Variants in NBN observed in about 807,000 individuals in gnomAD.
The protein encoded by NBN is Nijmegen breakage syndrome 1 (nibrin).
A neutral mutation model predicts 90.8 loss-of-function variants in NBN; 88 were observed. The observed-to-expected ratio is 0.97, with a 90% CI of 0.82 to 1.16. NBN has a LOEUF of 1.16. Ranked by LOEUF, NBN falls within the 50% of genes most tolerant of loss-of-function variation. The pLI, the probability that NBN is intolerant of heterozygous loss-of-function variation, is 0.00. For synonymous variants in NBN, 328 were observed against 295.1 expected, an observed-to-expected ratio of 1.11 and a Z score of -1.14; for missense variants, 894 against 869.6, an observed-to-expected ratio of 1.03 and a Z score of -0.35.
chr8:89,941,149 T>G (rs1809928994), intron 14 of NBN, among the ~76,000 whole-genome samples: 1 of 152,048 alleles, frequency 6.6e-6, no homozygotes, highest in Admixed American at 6.6e-5. Context: ...CCAGCAAATA[T>G]AAAATATTTA....
At chr8:89,984,140 GC>G in intron 1 of NBN, 1 of 363,968 alleles carries the variant, frequency 2.7e-6, no homozygotes, top group Non-Finnish European at 5.1e-6. Flanking sequence ...GTCATGTGTG[GC>G]CCCCGTGTGG....
chr8:89,954,483 T>C (rs2129710439), intron 10 of NBN, among the ~76,000 whole-genome samples: 1 of 151,860 alleles, frequency 6.6e-6, no homozygotes, highest in South Asian at 2.1e-4. Context: ...AACACTGATT[T>C]CAGGAGCCAG....
At chr8:89,957,282 T>G (rs565820154) in intron 9 of NBN, among the ~76,000 whole-genome samples, 18 of 152,306 alleles carry the variant, frequency 1.2e-4, no homozygotes, top group African/African-American at 4.3e-4. Context: ...TAGGCTAACA[T>G]GTATGTTTAT....
At chr8:89,941,771 C>A (rs1415825245) in intron 14 of NBN, among the ~76,000 whole-genome samples, 3 of 152,076 alleles carry the variant, frequency 2.0e-5, no homozygotes, top group Non-Finnish European at 4.4e-5. Context: ...ACAAAATAAG[C>A]CAATTATTCT....
rs13312868 is a variant in NBN, at chr8:89,979,525, TTTGTTG to T, written c.480+1203_481-1203del. The stretch of plus-strand genomic sequence containing the variant: ...AATAAAAGTTGAACTGAACGCTTTT[TTTGTTG>T]TTGTTGTTGTTGTTGTTTTTAAGTA... On this transcript the variant is annotated intron_variant, in intron 4 of 15. Transcript: ENST00000265433. 5.9e-5 allele frequency among the ~76,000 whole-genome samples: 9 copies of T among 151,544 alleles called. 1 individual carries two copies. Among genetic ancestry groups the T allele is most frequent in the South Asian group, 2.1e-4 (1 of 4,826 alleles).
intron 2 of NBN, 25 bp from the exon 3 acceptor site, chr8:89,981,548 A>G (rs1393741515): frequency 6.2e-7 from 1 of 1,611,016 alleles, no homozygotes; most frequent in Admixed American, 1.7e-5. Flanking sequence ...AATAATTTAA[A>G]GTCTTTTACC....
At chr8:89,948,887 A>G (rs1159933776) in intron 11 of NBN, among the ~76,000 whole-genome samples, 1 of 151,892 alleles carries the variant, frequency 6.6e-6, no homozygotes, top group African/African-American at 2.4e-5. Context: ...ATCCTGCCCT[A>G]CTCTCTCAAA....
intron 10 of NBN, among the ~76,000 whole-genome samples, chr8:89,954,719 G>A (rs1307672691): frequency 6.6e-6 from 1 of 152,012 alleles, no homozygotes; most frequent in Non-Finnish European, 1.5e-5. Flanking sequence ...AGAGCAGTAC[G>A]GGGAAGAAAA....
intron 10 of NBN, among the ~76,000 whole-genome samples, chr8:89,954,133 A>G (rs1260605517): frequency 6.6e-6 from 1 of 152,148 alleles, no homozygotes; most frequent in Non-Finnish European, 1.5e-5. Context: ...TAAATCTACA[A>G]TACGGTACTG....
intron 13 of NBN, among the ~76,000 whole-genome samples, chr8:89,944,051 T>A (rs997298653): frequency 1.4e-4 from 21 of 152,190 alleles, no homozygotes; most frequent in African/African-American, 4.8e-4. Context: ...AGCAGTATTT[T>A]AAAAGTTTAA....
intron 1 of NBN, 55 bp from the exon 2 acceptor site, chr8:89,982,910 C>T: frequency 2.0e-6 from 3 of 1,522,718 alleles, no homozygotes; most frequent in Admixed American, 1.7e-5. Context: ...TACACATGTA[C>T]ACGAACACAC....
At chr8:89,950,279 T>TA (rs1452114710) in intron 11 of NBN, among the ~76,000 whole-genome samples, 4 of 151,948 alleles carry the variant, frequency 2.6e-5, no homozygotes, top group African/African-American at 7.3e-5. Flanking sequence ...AAGTCCCTGA[T>TA]AAAAAAAAGC....
chr8:89,979,738 C>T (rs1000396368), intron 4 of NBN, among the ~76,000 whole-genome samples: 3 of 152,218 alleles, frequency 2.0e-5, no homozygotes, highest in African/African-American at 4.8e-5. Flanking sequence ...CTGTAAACCA[C>T]GTTGGTGTGT....
intron 11 of NBN, among the ~76,000 whole-genome samples, chr8:89,951,568 T>C (rs1241903181): frequency 1.3e-5 from 2 of 152,150 alleles, no homozygotes; most frequent in Non-Finnish European, 2.9e-5. Context: ...TAAAGATAGC[T>C]TTATAAACAT....
In NBN at chr8:89,977,890, T is replaced by C. The variant is rs114391718; in HGVS notation, c.584+330A>G. On this transcript the variant is annotated intron_variant, in intron 5 of 15. Coordinates refer to ENST00000265433, the MANE Select transcript of NBN (RefSeq NM_002485.5). ...CAAAGAGGGCTGCTGCACCACACAATTCCAGAGCTAACTGTGGCGTGATGC... is the reference window on the plus strand; with the variant it reads ...CAAAGAGGGCTGCTGCACCACACAACTCCAGAGCTAACTGTGGCGTGATGC... Among the ~76,000 whole-genome samples, 278 of 152,352 alleles carry C rather than the reference T, an allele frequency of 1.8e-3. 2 individuals carry two copies. Among genetic ancestry groups the C allele is most frequent in the African/African-American group, 6.1e-3 (255 of 41,592 alleles).
chr8:89,958,209 A>C (rs1225614249), intron 9 of NBN, among the ~76,000 whole-genome samples: 6 of 152,294 alleles, frequency 3.9e-5, no homozygotes, highest in Middle Eastern at 3.4e-3. Context: ...ATAAAGATGA[A>C]GCTTTGCTAG....
At chr8:89,951,260 G>A (rs979026714) in intron 11 of NBN, among the ~76,000 whole-genome samples, 7 of 146,116 alleles carry the variant, frequency 4.8e-5, no homozygotes, top group South Asian at 2.2e-4. Context: ...TGCAGTGAGC[G>A]GAGATCACGC....
At chr8:89,948,189 T>C (rs1005918616) in intron 11 of NBN, among the ~76,000 whole-genome samples, 4 of 152,166 alleles carry the variant, frequency 2.6e-5, no homozygotes, top group East Asian at 1.9e-4. Flanking sequence ...AAAATGATTA[T>C]AAGTAAATTT....
At chr8:89,957,528 T>G (rs1324062864) in intron 9 of NBN, among the ~76,000 whole-genome samples, 1 of 152,206 alleles carries the variant, frequency 6.6e-6, no homozygotes, top group African/African-American at 2.4e-5. Flanking sequence ...GTAGTGCTAA[T>G]AAGGCAACAA....
Sources: gnomAD v4.1 joint callset for allele counts (sites outside exome capture counted in the v4.1 genomes callset) on GRCh38, gnomAD v4.1.1 for gene constraint, MANE v1.5 for transcripts, NCBI Gene and HGNC (gene_info 2026-07-23, HGNC 2026-07-21) for gene names.